The following PBX1 variants were observed in gnomAD, a reference collection of about 807,000 sequenced individuals.
The protein encoded by PBX1 is pre-B-cell leukemia transcription factor 1.
In PBX1, 6 loss-of-function variants were observed where a neutral mutation model predicts 53.4. The observed-to-expected ratio is 0.11, with a 90% confidence interval of 0.06 to 0.22. The LOEUF (loss-of-function observed/expected upper bound fraction) is 0.22, where lower values mean the gene tolerates loss of function less well. PBX1 is among the 10% of genes least tolerant of loss of function. The pLI is 1.00. For synonymous variants in PBX1, 204 were observed against 212.3 expected, an observed-to-expected ratio of 0.96 and a Z score of 0.34; for missense variants, 251 against 551.4, an observed-to-expected ratio of 0.46 and a Z score of 5.46.
chr1:164,601,733 C>G (rs1656192979), intron 2 of PBX1, among the ~76,000 whole-genome samples: 1 of 152,112 alleles, frequency 6.6e-6, no homozygotes, highest in Non-Finnish European at 1.5e-5. Context: ...TCCTGTTGTT[C>G]CAGGGAAGAT....
chr1:164,792,354 TCCAG>T, intron 2 of PBX1, 136 bp from the exon 3 acceptor site: 1 of 1,424,060 alleles, frequency 7.0e-7, no homozygotes, highest in Non-Finnish European at 9.3e-7. Context: ...TCTCTCTTTT[TCCAG>T]CCTTTCTTCT....
intron 2 of PBX1, chr1:164,641,620 A>G (rs1466877352): frequency 1.3e-5 from 2 of 152,236 alleles, no homozygotes; most frequent in African/African-American, 4.8e-5. Flanking sequence ...GAGGCAGTTA[A>G]TGAAGAAGAC....
intron 2 of PBX1, among the ~76,000 whole-genome samples, chr1:164,779,064 G>A (rs1667809395): frequency 7.2e-6 from 1 of 139,524 alleles, no homozygotes; most frequent in Non-Finnish European, 1.5e-5. Flanking sequence ...TTTTTTTTGA[G>A]ACGGAGTCTC....
chr1:164,638,009 A>G (rs1035278309), intron 2 of PBX1, among the ~76,000 whole-genome samples: 1 of 152,194 alleles, frequency 6.6e-6, no homozygotes, highest in Admixed American at 6.5e-5. Flanking sequence ...GGACCATCTC[A>G]ATATCAGTGG....
chr1:164,589,330 G>C (rs904601628), intron 2 of PBX1, among the ~76,000 whole-genome samples: 5 of 152,114 alleles, frequency 3.3e-5, no homozygotes, highest in African/African-American at 1.2e-4. Flanking sequence ...TTGAGGGGAA[G>C]AGAGTATGGG....
At position 164,881,332 on chromosome 1, in the gene PBX1, AGAAGGAAG is replaced by A. The variant is rs10615739; in HGVS notation, n.258-17833_258-17826del. 8.4e-3 allele frequency among the ~76,000 whole-genome samples: 871 copies of A among 103,832 alleles called. 37 individuals are homozygous for A. The highest frequency in any genetic ancestry group is 0.017 in the African/African-American group (427 of 25,008). The allele number at this position is 103,832 out of a possible 152,430, so 68.1% of individuals were successfully genotyped here. Reference sequence around the variant, plus strand: ...AGGAAGGAAGGAAGGAAGGAGGAAAAGAAGGAAGGAAGGAAGGAAGGAAGGAAGGAGGA... The same window carrying A: ...AGGAAGGAAGGAAGGAAGGAGGAAAAGAAGGAAGGAAGGAAGGAAGGAGGA... On this transcript the variant is annotated intron_variant and non_coding_transcript_variant, in intron 2 of 2. Transcript: ENST00000558796.
intron 2 of PBX1, chr1:164,651,777 A>G (rs564835846): frequency 6.6e-6 from 1 of 152,188 alleles, no homozygotes. Context: ...CTAATGACCT[A>G]TTCTTCCCCG....
intron 8 of PBX1, among the ~76,000 whole-genome samples, chr1:164,826,561 T>A (rs1031686310): frequency 6.6e-5 from 10 of 152,206 alleles, no homozygotes; most frequent in Admixed American, 2.6e-4. Flanking sequence ...TGCACCACCA[T>A]GCCCAGCTAA....
intron 2 of PBX1, among the ~76,000 whole-genome samples, chr1:164,720,770 C>T (rs1455953061): frequency 6.6e-6 from 1 of 152,180 alleles, no homozygotes; most frequent in Non-Finnish European, 1.5e-5. Context: ...GGCGTTTGGG[C>T]AGGGAGGTGA....
chr1:164,769,040 G>A (rs1211908256), intron 2 of PBX1: 2 of 151,968 alleles, frequency 1.3e-5, no homozygotes, highest in African/African-American at 4.8e-5. Context: ...GGGCAACAGG[G>A]TGAGACTCTG....
At chr1:164,881,941 C>T (rs1023453241) in intron 2 of PBX1, among the ~76,000 whole-genome samples, 1 of 152,126 alleles carries the variant, frequency 6.6e-6, no homozygotes, top group Non-Finnish European at 1.5e-5. Context: ...CCATCAGGTC[C>T]CACCCGCTAT....
intron 2 of PBX1, among the ~76,000 whole-genome samples, chr1:164,876,280 G>A (rs537244429): frequency 3.3e-5 from 5 of 152,078 alleles, no homozygotes; most frequent in African/African-American, 1.2e-4. Context: ...GCGCAGCAGC[G>A]TCTGTGAAGA....
At chr1:164,828,120 A>T (rs773659324) in intron 8 of PBX1, among the ~76,000 whole-genome samples, 8 of 152,234 alleles carry the variant, frequency 5.3e-5, no homozygotes, top group Non-Finnish European at 7.3e-5. Flanking sequence ...CCAAATAGAT[A>T]TACCATGGAC....
intron 2 of PBX1, among the ~76,000 whole-genome samples, chr1:164,681,872 A>T (rs1309743699): frequency 1.3e-5 from 2 of 152,226 alleles, no homozygotes; most frequent in Non-Finnish European, 2.9e-5. Context: ...CAATGTTTTG[A>T]TATTTGGTCC....
chr1:164,728,575 T>C (rs2102129581), intron 2 of PBX1, among the ~76,000 whole-genome samples: 1 of 152,312 alleles, frequency 6.6e-6, no homozygotes, highest in South Asian at 2.1e-4. Flanking sequence ...AATTATAATG[T>C]ATTTTGATTT....
intron 6 of PBX1, 39 bp from the exon 7 acceptor site, chr1:164,820,033 C>T: frequency 7.6e-7 from 1 of 1,315,546 alleles, no homozygotes; most frequent in East Asian, 2.3e-5. Flanking sequence ...TGAGCCTTTT[C>T]CTTTCTGTGA....
At chr1:164,576,072 G>GA (rs1654210806) in intron 2 of PBX1, among the ~76,000 whole-genome samples, 1 of 152,212 alleles carries the variant, frequency 6.6e-6, no homozygotes, top group Admixed American at 6.5e-5. Context: ...GTAGAAAAGA[G>GA]AAATTGAAGT....
At chr1:164,666,115 G>T (rs1660793126) in intron 2 of PBX1, among the ~76,000 whole-genome samples, 1 of 152,136 alleles carries the variant, frequency 6.6e-6, no homozygotes, top group Non-Finnish European at 1.5e-5. Flanking sequence ...GTGACTCCTG[G>T]GTACCGTTCA....
intron 2 of PBX1, among the ~76,000 whole-genome samples, chr1:164,732,567 A>G (rs757679636): frequency 5.3e-5 from 8 of 152,088 alleles, no homozygotes; most frequent in African/African-American, 7.2e-5. Flanking sequence ...AGGTTGGTGC[A>G]AAAGTAATTG....
Sources: gnomAD v4.1 joint callset for allele counts (sites outside exome capture counted in the v4.1 genomes callset) on GRCh38, gnomAD v4.1.1 for gene constraint, MANE v1.5 for transcripts, NCBI Gene and HGNC (gene_info 2026-07-23, HGNC 2026-07-21) for gene names.